The following RHPN2 variants were observed in gnomAD, a reference collection of about 807,000 sequenced individuals.
The protein encoded by RHPN2 is rhophilin Rho GTPase binding protein 2, also known as rhophilin-2.
RHPN2 carries 40 observed loss-of-function variants against 79.0 expected under a neutral mutation model. The ratio of observed to expected loss-of-function variants is 0.51; its 90% CI spans 0.39 to 0.66. The LOEUF (loss-of-function observed/expected upper bound fraction) is 0.66, where lower values mean the gene tolerates loss of function less well. Ranked by LOEUF, RHPN2 falls within the 30% of genes least tolerant of loss-of-function variation. The probability of loss-of-function intolerance (pLI) is 0.00; values close to 1 mark genes in which losing one functional copy is unlikely to be tolerated. For missense variants in RHPN2, 686 were observed against 883.5 expected, an observed-to-expected ratio of 0.78 and a Z score of 2.83; for synonymous variants, 285 against 363.5, an observed-to-expected ratio of 0.78 and a Z score of 2.46.
chr19:33,061,089 A>C (rs1268718799), intron 1 of RHPN2, among the ~76,000 whole-genome samples: 1 of 152,050 alleles, frequency 6.6e-6, no homozygotes, highest in African/African-American at 2.4e-5. Flanking sequence ...CATGACCCTG[A>C]ACTGCCTGGC....
At chr19:32,996,334 T>C in intron 10 of RHPN2, 114 bp from the exon 11 acceptor site, 1 of 1,088,606 alleles carries the variant, frequency 9.2e-7, no homozygotes, top group East Asian at 2.5e-5. Flanking sequence ...TCTGCCTGGA[T>C]AGCTAGAGCC....
rs569469152 is a variant in RHPN2, at chr19:33,040,938, C to G, written c.185+3311G>C. On this transcript the variant is annotated intron_variant, in intron 2 of 14. Transcript: ENST00000254260. ...CGACACTGCACTCCATCCTGGGAGA[C>G]AGAATGAGACTCTGTCTCAAAAAAA... Among the ~76,000 whole-genome samples the G allele has an allele frequency of 1.4e-4, 21 of 152,118 alleles. No individual in the cohort carries two copies. The South Asian group carries it at 4.4e-3, about 32-fold the overall frequency.
chr19:33,019,031 CA>C (rs71301619), intron 4 of RHPN2, among the ~76,000 whole-genome samples: 67 of 105,362 alleles, frequency 6.4e-4, no homozygotes, highest in Non-Finnish European at 9.9e-4. Flanking sequence ...AACTCCAGCT[CA>C]AAAAAAAAAA....
At chr19:33,053,586 G>A (rs1972207224) in intron 1 of RHPN2, among the ~76,000 whole-genome samples, 1 of 151,646 alleles carries the variant, frequency 6.6e-6, no homozygotes, top group African/African-American at 2.4e-5. Flanking sequence ...ACCATGCCTG[G>A]CTAATTTTTG....
chr19:32,992,043 C>A, intron 12 of RHPN2, 74 bp from the exon 13 acceptor site: 1 of 1,565,902 alleles, frequency 6.4e-7, no homozygotes, highest in Non-Finnish European at 8.8e-7. Context: ...GGGAATTTTG[C>A]CTGCTGTCCT....
intron 11 of RHPN2, among the ~76,000 whole-genome samples, chr19:32,995,657 G>A (rs565920330): frequency 3.9e-5 from 6 of 152,074 alleles, no homozygotes; most frequent in East Asian, 2.0e-4. Context: ...TCAGGAGTTC[G>A]AGACCAGCCT....
intron 14 of RHPN2, among the ~76,000 whole-genome samples, chr19:32,983,305 G>A (rs2145997555): frequency 6.6e-6 from 1 of 152,146 alleles, no homozygotes; most frequent in South Asian, 2.1e-4. Flanking sequence ...AAGGTCAGGA[G>A]ATTGAGACCA....
At chr19:33,023,753 C>A (rs1971943672) in intron 3 of RHPN2, among the ~76,000 whole-genome samples, 1 of 149,584 alleles carries the variant, frequency 6.7e-6, no homozygotes, top group Non-Finnish European at 1.5e-5. Context: ...CCACTGCACT[C>A]CAGCCTGGGC....
chr19:33,024,203 G>A (rs1971948190), intron 3 of RHPN2, among the ~76,000 whole-genome samples: 1 of 152,124 alleles, frequency 6.6e-6, no homozygotes, highest in Non-Finnish European at 1.5e-5. Flanking sequence ...GGAGGCTGAG[G>A]TGGGTGGATC....
Position 33,002,838 on chromosome 19 carries a change from A to C in RHPN2, c.923T>G (p.Val308Gly), listed in dbSNP as rs763770765. The change falls in exon 8 of 15, where the codon GTG becomes GGG. Residue 308 changes from valine (V) to glycine (G), a missense_variant. Transcript: ENST00000254260. ...PGIRNEFFML[V>G]KVAQEAAKVG... ...CTTAGCAGCCTCCTGAGCCACCTTC[A>C]CCAGCATGAAGAATTCATTCCGGAT... 5.6e-6 allele frequency: 9 copies of C among 1,613,718 alleles called. No homozygotes were observed. In the African/African-American group the frequency reaches 1.1e-4, roughly 19 times the overall value.
intron 2 of RHPN2, among the ~76,000 whole-genome samples, chr19:33,029,097 G>A (rs1008951300): frequency 1.7e-4 from 25 of 151,090 alleles, no homozygotes; most frequent in Admixed American, 6.6e-5. Context: ...CCAAGATCGC[G>A]CCACCGCACT....
At chr19:33,029,957 A>G (rs953936936) in intron 2 of RHPN2, among the ~76,000 whole-genome samples, 1 of 152,210 alleles carries the variant, frequency 6.6e-6, no homozygotes, top group Non-Finnish European at 1.5e-5. Flanking sequence ...CTCCGTGTCC[A>G]GGGTTTTTAC....
At chr19:33,019,772 A>G (rs1971908176) in intron 4 of RHPN2, among the ~76,000 whole-genome samples, 1 of 151,978 alleles carries the variant, frequency 6.6e-6, no homozygotes, top group African/African-American at 2.4e-5. Flanking sequence ...TCAAAATAAT[A>G]AAGAAAAAGA....
chr19:33,028,640 G>A (rs1161102328), intron 2 of RHPN2, among the ~76,000 whole-genome samples: 1 of 152,014 alleles, frequency 6.6e-6, no homozygotes, highest in African/African-American at 2.4e-5. Flanking sequence ...TTTATGGATG[G>A]GAAGGCTCAT....
At chr19:33,035,479 T>C (rs1972048892) in intron 2 of RHPN2, among the ~76,000 whole-genome samples, 1 of 152,162 alleles carries the variant, frequency 6.6e-6, no homozygotes, top group South Asian at 2.1e-4. Context: ...GTTGGTCACT[T>C]TGAAACTGTT....
At chr19:32,985,615 C>A (rs1599805323) in intron 14 of RHPN2, among the ~76,000 whole-genome samples, 1 of 152,220 alleles carries the variant, frequency 6.6e-6, no homozygotes, top group East Asian at 1.9e-4. Context: ...AGAGCGAGAC[C>A]CTGTCTCAAA....
intron 4 of RHPN2, among the ~76,000 whole-genome samples, chr19:33,013,200 AACAAAAAAC>A (rs1459653059): frequency 7.7e-5 from 7 of 90,616 alleles, no homozygotes; most frequent in South Asian, 8.8e-4. Flanking sequence ...AAAAAACAAA[AACAAAAAAC>A]AAAAAACAGA....
chr19:33,059,285 T>C (rs913990038), intron 1 of RHPN2, among the ~76,000 whole-genome samples: 2 of 147,814 alleles, frequency 1.4e-5, no homozygotes, highest in Non-Finnish European at 3.0e-5. Flanking sequence ...TCTTCACTTT[T>C]GTTTTTTTCT....
Position 33,044,383 on chromosome 19 carries a change from T to G in RHPN2, c.70-19A>C. The G allele has an allele frequency of 6.4e-7, 1 of 1,558,018 alleles. No individual in the cohort carries two copies. Among genetic ancestry groups the G allele is most frequent in the East Asian group, 2.2e-5 (1 of 44,636 alleles). Reference sequence around the variant, plus strand: ...TACAGCCCTGAGGAAAAATAAGAGATGCCCCTTCAGAGGTCGGCCACTCTA... The same window carrying G: ...TACAGCCCTGAGGAAAAATAAGAGAGGCCCCTTCAGAGGTCGGCCACTCTA... On this transcript the variant is annotated intron_variant, in intron 1 of 14. Transcript: ENST00000254260.
Sources: gnomAD v4.1 joint callset for allele counts (sites outside exome capture counted in the v4.1 genomes callset) on GRCh38, gnomAD v4.1.1 for gene constraint, MANE v1.5 for transcripts, NCBI Gene and HGNC (gene_info 2026-07-23, HGNC 2026-07-21) for gene names.